The following PACRG variants were observed in gnomAD, a reference collection of about 807,000 sequenced individuals.
PACRG encodes the protein parkin coregulated, also known as parkin coregulated gene protein.
In PACRG, 29 loss-of-function variants were observed where a neutral mutation model predicts 29.7. The observed-to-expected ratio is 0.98, with a 90% CI of 0.73 to 1.33. The LOEUF (loss-of-function observed/expected upper bound fraction) is 1.33. PACRG is among the 40% of genes most tolerant of loss of function. PACRG has a pLI of 0.00. For synonymous variants in PACRG, 116 were observed against 118.7 expected (o/e 0.98, Z 0.15); for missense variants, 279 against 316.2 (o/e 0.88, Z 0.89).
chr6:163,273,994 G>T (rs139833668), intron 4 of PACRG, among the ~76,000 whole-genome samples: 1 of 151,978 alleles, frequency 6.6e-6, no homozygotes, highest in African/African-American at 2.4e-5. Flanking sequence ...CTTCTGATAT[G>T]CAGTATCTTT....
intron 2 of PACRG, among the ~76,000 whole-genome samples, chr6:163,009,836 A>T (rs996277658): frequency 5.3e-5 from 8 of 152,268 alleles, no homozygotes; most frequent in Non-Finnish European, 1.2e-4. Context: ...CTTTAAATAT[A>T]AGCTTTATTG....
At chr6:163,050,715 C>T (rs181863947) in intron 2 of PACRG, among the ~76,000 whole-genome samples, 1 of 152,196 alleles carries the variant, frequency 6.6e-6, no homozygotes, top group Admixed American at 6.5e-5. Flanking sequence ...ACATTTTTTA[C>T]CCTTTTCTCT....
rs535942625 is a variant in PACRG at position 163,293,602 on chromosome 6, A to G, written c.614-21225A>G. Among the ~76,000 whole-genome samples, 15 of 152,324 alleles carry G rather than the reference A, an allele frequency of 9.8e-5. No homozygotes were observed. In the South Asian group the frequency reaches 2.9e-3, roughly 29 times the overall value. On this transcript the variant is annotated intron_variant, in intron 4 of 4. Transcript: ENST00000366888. ...CTACCCATAGTTCATGAGATGAAAA[A>G]GTTTTGTAACTAAAATATGTAACTT...
Position 162,759,404 on chromosome 6 carries a change from A to G in PACRG, c.156+31013A>G, listed in dbSNP as rs79019152. 1.5e-3 allele frequency among the ~76,000 whole-genome samples: 222 copies of G among 152,296 alleles called. 6 individuals carry two copies. In the East Asian group the frequency reaches 0.037, roughly 26 times the overall value. On this transcript the variant is annotated intron_variant, in intron 1 of 4. Transcript: ENST00000366888. ...GTTATGTGAGCTGTGAGAATTTTCAAATTACCTCAGACTTCTGAGAATATT... is the reference window on the plus strand; with the variant it reads ...GTTATGTGAGCTGTGAGAATTTTCAGATTACCTCAGACTTCTGAGAATATT...
At chr6:163,045,148 G>A (rs1362442014) in intron 2 of PACRG, among the ~76,000 whole-genome samples, 1 of 151,980 alleles carries the variant, frequency 6.6e-6, no homozygotes, top group Non-Finnish European at 1.5e-5. Context: ...GTGTGTTGTG[G>A]GTTCTCAGGA....
intron 2 of PACRG, among the ~76,000 whole-genome samples, chr6:163,007,982 C>T (rs181113709): frequency 6.6e-6 from 1 of 152,222 alleles, no homozygotes; most frequent in East Asian, 1.9e-4. Flanking sequence ...TCAAGACTTC[C>T]TAAATGTCAA....
In PACRG at chr6:163,135,669, A is replaced by G. The variant is rs547822872; in HGVS notation, c.613+46261A>G. Among the ~76,000 whole-genome samples, 131 of 152,368 alleles carry G rather than the reference A, an allele frequency of 8.6e-4. 1 individual carries two copies. The highest frequency in any genetic ancestry group is 1.1e-3 in the Non-Finnish European group (78 of 68,034). On this transcript the variant is annotated intron_variant, in intron 4 of 4. Transcript: ENST00000366888. ...TGGAGTGATTTTAAGGTAAATACCT[A>G]GAAGTAGAAATGCTGGGCTGAAAGT... is the stretch of plus-strand genomic sequence containing the variant.
chr6:162,896,380 G>A (rs1328004680), intron 2 of PACRG, among the ~76,000 whole-genome samples: 2 of 152,172 alleles, frequency 1.3e-5, no homozygotes, highest in Admixed American at 6.5e-5. Flanking sequence ...CGCTTACTGC[G>A]GACTGTGCTG....
intron 1 of PACRG, among the ~76,000 whole-genome samples, chr6:162,754,859 TGTTA>T (rs146762937): frequency 0.076 from 11,625 of 152,174 alleles, 623 homozygotes; most frequent in Middle Eastern, 0.17. Flanking sequence ...GAAGTATTGG[TGTTA>T]GTTCTTTAAT....
intron 2 of PACRG, among the ~76,000 whole-genome samples, chr6:162,854,924 C>T (rs1019943426): frequency 3.3e-5 from 5 of 152,356 alleles, no homozygotes; most frequent in African/African-American, 1.2e-4. Context: ...TTCTTCCGCC[C>T]TTCCTCTTAT....
rs1376653480 is a variant in PACRG at position 163,254,750 on chromosome 6, T to C, written c.614-60077T>C. On this transcript the variant is annotated intron_variant, in intron 4 of 4. Coordinates refer to ENST00000366888, the MANE Select transcript of PACRG (RefSeq NM_001080379.2). ...GCCACTCTGCCCAGAAGGTGCCCCC[T>C]CCTCACTCCCTTCTCTCGTCCACCC... Among the ~76,000 whole-genome samples, 3 of 152,128 alleles carry C rather than the reference T, an allele frequency of 2.0e-5. No individual in the cohort carries two copies. In the East Asian group the frequency reaches 5.8e-4, roughly 29 times the overall value.
intron 1 of PACRG, among the ~76,000 whole-genome samples, chr6:162,804,368 A>G (rs1786136182): frequency 6.6e-6 from 1 of 152,168 alleles, no homozygotes; most frequent in African/African-American, 2.4e-5. Context: ...TTAATAATCT[A>G]GGACAGTGAC....
intron 1 of PACRG, among the ~76,000 whole-genome samples, chr6:162,783,649 A>G (rs1197839146): frequency 1.3e-5 from 2 of 152,046 alleles, no homozygotes; most frequent in African/African-American, 4.8e-5. Flanking sequence ...AAAATATGCT[A>G]TGATAATTAT....
intron 2 of PACRG, among the ~76,000 whole-genome samples, chr6:162,928,831 T>C (rs575621473): frequency 6.6e-6 from 1 of 151,790 alleles, no homozygotes; most frequent in East Asian, 1.9e-4. Context: ...GGTCCACTTT[T>C]TTTTTTAGCT....
intron 3 of PACRG, among the ~76,000 whole-genome samples, chr6:163,072,364 TC>T (rs1328252707): frequency 6.6e-6 from 1 of 152,216 alleles, no homozygotes; most frequent in East Asian, 1.9e-4. Context: ...AAGCCTATGA[TC>T]CTTTCAATTT....
intron 1 of PACRG, among the ~76,000 whole-genome samples, chr6:162,775,195 C>A (rs1338528326): frequency 1.3e-5 from 2 of 152,180 alleles, no homozygotes; most frequent in Non-Finnish European, 2.9e-5. Context: ...AGTGGACCCG[C>A]AGCAGACACC....
At chr6:163,048,088 A>G (rs570302700) in intron 2 of PACRG, among the ~76,000 whole-genome samples, 3 of 152,280 alleles carry the variant, frequency 2.0e-5, no homozygotes, top group Admixed American at 6.5e-5. Flanking sequence ...GAGCATGTCT[A>G]TAGACTCTCA....
At chr6:163,060,094 G>A (rs998508044) in intron 2 of PACRG, among the ~76,000 whole-genome samples, 4 of 151,942 alleles carry the variant, frequency 2.6e-5, no homozygotes, top group East Asian at 1.9e-4. Context: ...AAAGAAAAAA[G>A]TAAATAAAAA....
intron 4 of PACRG, among the ~76,000 whole-genome samples, chr6:163,300,112 T>C (rs188936811): frequency 6.6e-6 from 1 of 152,340 alleles, no homozygotes; most frequent in East Asian, 1.9e-4. Flanking sequence ...GAAAATCAGT[T>C]GAGCCCTTTA....
Sources: allele counts gnomAD v4.1 joint callset (sites outside exome capture counted in the v4.1 genomes callset), GRCh38; gene constraint gnomAD v4.1.1; transcripts MANE v1.5; gene names NCBI Gene and HGNC (gene_info 2026-07-23, HGNC 2026-07-21).